CEP72: variants seen among roughly 807,000 people sequenced by gnomAD.
CEP72 encodes the protein centrosomal protein of 72 kDa.
Under a neutral mutation model 65.7 loss-of-function variants are expected in CEP72, and 78 were observed. The observed-to-expected ratio is 1.19, with a 90% CI of 0.99 to 1.43. The LOEUF (loss-of-function observed/expected upper bound fraction) is 1.43. Among genes scored for constraint, CEP72 ranks in the 40% most tolerant of loss-of-function variants. The probability of loss-of-function intolerance (pLI) is 0.00; values close to 1 mark genes in which losing one functional copy is unlikely to be tolerated. For missense variants in CEP72, 914 were observed against 832.9 expected (o/e 1.10, Z -1.20); for synonymous variants, 358 against 351.7 (o/e 1.02, Z -0.20).
rs1307646616 is a variant in CEP72 at position 642,266 on chromosome 5, G to A, written c.1539+1662G>A. 32 of 984,640 alleles carry A rather than the reference G, an allele frequency of 3.2e-5. 1 individual carries two copies. Among genetic ancestry groups the A allele is most frequent in the South Asian group, 4.7e-5 (1 of 21,270 alleles). 61.0% of individuals were successfully genotyped at this position (984,640 alleles called of 1,614,324 possible). On this transcript the variant is annotated intron_variant, in intron 9 of 11. Transcript: ENST00000264935. ...CAGAAGCCTCTGCTTTTAAACCAAC[G>A]TGGCCCCTCCTCTGGAAGCCTCTGT... is the stretch of plus-strand genomic sequence containing the variant.
chr5:640,847 G>GGGAC lies in CEP72; in HGVS notation c.1539+244_1539+247dup, dbSNP rs1737968001. ...GGCCACCTTCTCTCCCCGGGCCCAA[G>GGGAC]GGACCCTCCACCACTGGGCAGTGCC... On this transcript the variant is annotated intron_variant, in intron 9 of 11. Coordinates refer to ENST00000264935, the MANE Select transcript of CEP72 (RefSeq NM_018140.4). 3 of 985,372 alleles carry GGGAC rather than the reference G, an allele frequency of 3.0e-6. No individual in the cohort carries two copies. In the African/African-American group the frequency reaches 5.2e-5, roughly 17 times the overall value. The allele number at this position is 985,372 out of a possible 1,614,324, so 61.0% of individuals were successfully genotyped here. A position where few individuals can be genotyped will look rare whatever the true frequency, so the allele number is the denominator to read the frequency against.
At chr5:644,567 C>G in intron 10 of CEP72, 142 bp downstream of exon 10, 2 of 971,626 alleles carry the variant, frequency 2.1e-6, no homozygotes, top group Non-Finnish European at 1.6e-6. Context: ...CCCTGCCTCA[C>G]TGGCTGGGGT....
At position 612,374 on chromosome 5, in the gene CEP72, G is replaced by C; in HGVS notation, c.13G>C (p.Gly5Arg). The C allele has an allele frequency of 6.7e-7, 1 of 1,491,214 alleles. No homozygotes were observed. Among genetic ancestry groups the C allele is most frequent in the Non-Finnish European group, 8.9e-7 (1 of 1,125,662 alleles). 92.4% of individuals were successfully genotyped at this position (1,491,214 alleles called of 1,614,324 possible). A position where few individuals can be genotyped will look rare whatever the true frequency, so the allele number is the denominator to read the frequency against. MARA[G>R]PRLVLSEEAV... The stretch of plus-strand genomic sequence containing the variant: ...CTCCGTTTGAAACATGGCGCGGGCT[G>C]GCCCTCGGCTGGTGCTGAGCGAGGA... Residue 5 changes from glycine to arginine, a missense_variant, in exon 1 of 12, where the codon GGC becomes CGC. Transcript: ENST00000264935.
intron 9 of CEP72, chr5:640,849 G>A (rs1737968184): frequency 1.0e-6 from 1 of 985,374 alleles, no homozygotes; most frequent in South Asian, 4.7e-5. Context: ...GGGCCCAAGG[G>A]ACCCTCCACC....
intron 4 of CEP72, among the ~76,000 whole-genome samples, chr5:666,402 T>TA (rs1739916181): frequency 6.6e-6 from 1 of 152,200 alleles, no homozygotes; most frequent in African/African-American, 2.4e-5. Flanking sequence ...CGGAGGCCAT[T>TA]AGGCAGCGGA....
At chr5:674,023 G>A in the CEP72 span, among the ~76,000 whole-genome samples, 2 of 152,240 alleles carry the variant, frequency 1.3e-5, no homozygotes, top group African/African-American at 2.4e-5. Context: ...AATCACAGCC[G>A]GCACTGCACT....
In CEP72 at chr5:624,473, G is replaced by A. The variant is rs199576925; in HGVS notation, c.406G>A (p.Asp136Asn). The A allele has an allele frequency of 2.7e-4, 436 of 1,613,508 alleles. No individual in the cohort carries two copies. The highest frequency in any genetic ancestry group is 3.4e-4 in the Non-Finnish European group (403 of 1,179,392). The change falls in exon 4 of 12, where the codon GAT (aspartate) becomes AAT (asparagine). Residue 136 changes from aspartate to asparagine, a missense_variant and splice_region_variant. By Grantham distance (23) the Asp-to-Asn change is conservative (BLOSUM62 1). Coordinates refer to ENST00000264935, the MANE Select transcript of CEP72 (RefSeq NM_018140.4). The surrounding 1 kb of genome is among the most constrained non-coding windows in gnomAD (Gnocchi z 4.7). ...TCTTGTGTGGCCTTTTCTTCTAGAC[G>A]ATCGCCCCGTGAGAGCAAGCGAGCG... is the stretch of plus-strand genomic sequence containing the variant. ...HLLPKLQQLD[D>N]RPVRASERKA...
rs1004312391 is a variant in CEP72 at position 612,349 on chromosome 5, C to A, written c.-13C>A. 3.4e-6 allele frequency: 5 copies of A among 1,486,204 alleles called. No individual in the cohort carries two copies. The highest frequency in any genetic ancestry group is 2.7e-6 in the Non-Finnish European group (3 of 1,123,536). 92.1% of individuals were successfully genotyped at this position (1,486,204 alleles called of 1,614,324 possible). A position where few individuals can be genotyped will look rare whatever the true frequency, so the allele number is the denominator to read the frequency against. The stretch of plus-strand genomic sequence containing the variant: ...CCGCCGCGCAGGCGCCGTCCGAGGG[C>A]TCCGTTTGAAACATGGCGCGGGCTG... On this transcript the variant is annotated 5_prime_UTR_variant, in exon 1 of 12. Transcript: ENST00000264935.
In CEP72 at chr5:640,597, A is replaced by G. The variant is rs1737946816; in HGVS notation, c.1532A>G (p.Lys511Arg). 1.2e-6 allele frequency: 2 copies of G among 1,611,804 alleles called. No homozygotes were observed. Among genetic ancestry groups the G allele is most frequent in the Non-Finnish European group, 1.7e-6 (2 of 1,179,658 alleles). Reference sequence around the variant, plus strand: ...ACGGCGGAGCTGCACCACACACACAAGGAGCTGGTGAGCCCGCCCTGGCGC... The same window carrying G: ...ACGGCGGAGCTGCACCACACACACAGGGAGCTGGTGAGCCCGCCCTGGCGC... ...EVTAELHHTH[K>R]ELDDLRQHLD... The change falls in exon 9 of 12, where the codon AAG becomes AGG. Residue 511 changes from lysine to arginine, a missense_variant. Transcript: ENST00000264935.
intron 4 of CEP72, among the ~76,000 whole-genome samples, chr5:630,007 AC>A (rs1579961252): frequency 6.0e-4 from 7 of 11,602 alleles, no homozygotes; most frequent in Admixed American, 9.3e-4. Context: ...CTGGGATTTG[AC>A]CCAGTCCTGG....
At chr5:616,333 T>G (rs1735986539) in intron 1 of CEP72, among the ~76,000 whole-genome samples, 1 of 152,222 alleles carries the variant, frequency 6.6e-6, no homozygotes, top group South Asian at 2.1e-4. Flanking sequence ...CTTCTTTATA[T>G]CTCCTGTTTC....
intron 9 of CEP72, 26 bp downstream of exon 9, chr5:640,630 G>T: frequency 6.3e-7 from 1 of 1,586,608 alleles, no homozygotes; most frequent in Non-Finnish European, 8.6e-7. Flanking sequence ...CGCTGTGTCT[G>T]TGTCCATGTG....
intron 6 of CEP72, among the ~76,000 whole-genome samples, chr5:635,821 C>T (rs571649585): frequency 6.6e-6 from 1 of 152,380 alleles, no homozygotes; most frequent in South Asian, 2.1e-4. Flanking sequence ...GGAACCCAGC[C>T]CTGCGCTACA....
At chr5:669,357 C>T (rs531944434), downstream of CEP72, among the ~76,000 whole-genome samples, 60 of 152,290 alleles carry the variant, frequency 3.9e-4, no homozygotes, top group Admixed American at 7.8e-4. Context: ...AGCCCCTTGA[C>T]GCGCTCGGCG....
At chr5:659,464 G>A (rs541326966), downstream of CEP72, among the ~76,000 whole-genome samples, 13 of 152,318 alleles carry the variant, frequency 8.5e-5, no homozygotes, top group Non-Finnish European at 1.8e-4. Flanking sequence ...TGCCTTTATT[G>A]TATCCTCATT....
downstream of CEP72, among the ~76,000 whole-genome samples, chr5:668,416 AGG>A (rs1740038688): frequency 8.1e-6 from 1 of 123,966 alleles, no homozygotes; most frequent in Admixed American, 7.8e-5. Flanking sequence ...GCACACAGAG[AGG>A]GGGCCGCGTG....
intron 11 of CEP72, among the ~76,000 whole-genome samples, chr5:651,988 C>G (rs964466430): frequency 1.7e-4 from 26 of 152,274 alleles, no homozygotes; most frequent in Non-Finnish European, 2.2e-4. Flanking sequence ...CCCATGGGGC[C>G]CATCACAGGT....
At chr5:675,757 C>T in the CEP72 span, 1 of 152,820 alleles carries the variant, frequency 6.5e-6, no homozygotes, top group Non-Finnish European at 1.5e-5. Flanking sequence ...GATGAGTGGT[C>T]CTGGGTTAGT....
chr5:666,460 G>A (rs930063592), intron 4 of CEP72, among the ~76,000 whole-genome samples: 4 of 152,208 alleles, frequency 2.6e-5, no homozygotes, highest in African/African-American at 4.8e-5. Flanking sequence ...CAGCTGCGCC[G>A]GGAGCTGGGG....
Sources: allele counts gnomAD v4.1 joint callset (sites outside exome capture counted in the v4.1 genomes callset), GRCh38; gene constraint gnomAD v4.1.1; non-coding constraint Gnocchi (gnomAD v3.1); transcripts MANE v1.5; gene names NCBI Gene and HGNC (gene_info 2026-07-23, HGNC 2026-07-21).